TRPV3: variants seen among roughly 807,000 people sequenced by gnomAD.
The protein encoded by TRPV3 is VRL-3.
A neutral mutation model predicts 87.1 loss-of-function variants in TRPV3; 88 were observed. The ratio of observed to expected loss-of-function variants is 1.01; its 90% CI spans 0.85 to 1.21. The LOEUF (loss-of-function observed/expected upper bound fraction) is 1.21. TRPV3 is among the 50% of genes most tolerant of loss of function. The pLI is 0.00. For missense variants in TRPV3, 1,054 were observed against 1,030.1 expected (o/e 1.02, Z -0.32); for synonymous variants, 438 against 423.3 (o/e 1.03, Z -0.43).
Position 3,556,616 on chromosome 17 carries a change from C to T in TRPV3, c.-3+1060G>A, listed in dbSNP as rs981333025. On this transcript the variant is annotated intron_variant, in intron 1 of 17. Coordinates refer to ENST00000576742, the MANE Select transcript of TRPV3 (RefSeq NM_145068.4). This position sits in a 1 kb window ranked among gnomAD's most constrained non-coding sequence, Gnocchi z 4.2. ...AGCTTCCTGGAGGAAGTTTCCGGAG[C>T]CAGGTGTCATCAGGCTGGAGAGAGT... 3.9e-5 allele frequency among the ~76,000 whole-genome samples: 6 copies of T among 152,156 alleles called. No individual in the cohort carries two copies. Among genetic ancestry groups the T allele is most frequent in the Non-Finnish European group, 7.4e-5 (5 of 68,008 alleles).
At chr17:3,521,658 T>C (rs1229480554) in intron 13 of TRPV3, among the ~76,000 whole-genome samples, 1 of 152,220 alleles carries the variant, frequency 6.6e-6, no homozygotes, top group Non-Finnish European at 1.5e-5. Context: ...TTGTACATCT[T>C]AAATTTATAC....
chr17:3,543,495 G>A lies in TRPV3; in HGVS notation c.445C>T (p.Arg149Cys), dbSNP rs1319801144. Residue 149 changes from arginine to cysteine, a missense_variant, in exon 5 of 18, where the codon CGC (arginine) becomes TGC (cysteine). Coordinates refer to ENST00000576742, the MANE Select transcript of TRPV3 (RefSeq NM_145068.4). Reference protein sequence around the residue: ...LVELQELCRRRHDEDVPDFLM... With the variant: ...LVELQELCRRCHDEDVPDFLM... ...TCACCAGGCACATCCTCATCATGGCGCCGCCTGCAAAGCTCCTGCAGCTCC... is the reference window on the plus strand; with the variant it reads ...TCACCAGGCACATCCTCATCATGGCACCGCCTGCAAAGCTCCTGCAGCTCC... 18 of 1,613,262 alleles carry A rather than the reference G, an allele frequency of 1.1e-5. No homozygotes were observed. The highest frequency in any genetic ancestry group is 3.3e-5 in the South Asian group (3 of 91,074).
At position 3,513,996 on chromosome 17, in the gene TRPV3, T is replaced by C. The variant is rs750192271; in HGVS notation, c.2294A>G (p.Gln765Arg). Residue 765 changes from glutamine (Q) to arginine (R), a missense_variant, in exon 18 of 18, where the codon CAA (glutamine) becomes CGA (arginine). Physicochemically the swap from Gln to Arg is conservative, Grantham distance 43. Transcript: ENST00000576742. ...TTTGCTGTTGTTCCTGGAAGAATCT[T>C]GGATTTTGTTGAAATCTGCTTTTTA... The part of the protein sequence containing the change: ...PVRRTDFNKI[Q>R]DSSRNNSKTT... 6.2e-7 allele frequency: 1 copy of C among 1,613,608 alleles called. No homozygotes were observed. The highest frequency in any genetic ancestry group is 1.3e-5 in the African/African-American group (1 of 75,050).
intron 6 of TRPV3, among the ~76,000 whole-genome samples, chr17:3,540,120 TA>T (rs531319449): frequency 6.6e-6 from 1 of 152,100 alleles, no homozygotes; most frequent in East Asian, 1.9e-4. Flanking sequence ...TAAATAAGGT[TA>T]TTTTAGATAC....
At chr17:3,547,129 G>T (rs931711378) in intron 2 of TRPV3, among the ~76,000 whole-genome samples, 3 of 152,178 alleles carry the variant, frequency 2.0e-5, no homozygotes, top group Non-Finnish European at 2.9e-5. Context: ...ATGGTACTGG[G>T]AGCTAGGTTT....
intron 15 of TRPV3, among the ~76,000 whole-genome samples, chr17:3,517,907 C>T (rs976140807): frequency 1.3e-5 from 2 of 151,280 alleles, no homozygotes; most frequent in Non-Finnish European, 2.9e-5. Context: ...CAACCTCCAC[C>T]TCCTGGGTTC....
rs553433086 is a variant in TRPV3 at position 3,516,087 on chromosome 17, G to A, written c.2198+370C>T. 2.0e-5 allele frequency among the ~76,000 whole-genome samples: 3 copies of A among 152,288 alleles called. No individual in the cohort carries two copies. In the East Asian group the frequency reaches 5.8e-4, roughly 29 times the overall value. On this transcript the variant is annotated intron_variant, in intron 16 of 17. Transcript: ENST00000576742. ...TGTAGTCCCAGCTACTCGGGAGGCT[G>A]AGGCAGGAGAATCACTTGAACCCGG...
In TRPV3 at chr17:3,511,279, GA is replaced by G. The variant is rs1166231443; in HGVS notation, c.*2637del. The G allele has an allele frequency of 6.6e-6, 1 of 152,140 alleles. No individual in the cohort carries two copies. The highest frequency in any genetic ancestry group is 2.4e-5 in the African/African-American group (1 of 41,424). 9.4% of individuals were successfully genotyped at this position (152,140 alleles called of 1,614,324 possible). ...GTTGACTGCCAAATGAGACACCTGA[GA>G]AAATAGTCCTGCCCCCCAATATAAG... On this transcript the variant is annotated 3_prime_UTR_variant, in exon 18 of 18. Transcript: ENST00000576742.
chr17:3,526,674 T>C (rs2074302772), intron 12 of TRPV3, among the ~76,000 whole-genome samples, 180 bp downstream of exon 12: 1 of 152,110 alleles, frequency 6.6e-6, no homozygotes, highest in African/African-American at 2.4e-5. Context: ...ACCTTCTCCA[T>C]GGGCATTTAC....
intron 9 of TRPV3, among the ~76,000 whole-genome samples, chr17:3,529,441 G>A (rs1428154032): frequency 6.6e-6 from 1 of 152,098 alleles, no homozygotes; most frequent in African/African-American, 2.4e-5. Context: ...AGGGGACTCT[G>A]GGAAGCATGA....
At chr17:3,536,132 C>A (rs1425869445) in intron 6 of TRPV3, among the ~76,000 whole-genome samples, 1 of 152,148 alleles carries the variant, frequency 6.6e-6, no homozygotes, top group East Asian at 1.9e-4. Context: ...TTTAGCGAGG[C>A]GGTGTGGGGC....
At chr17:3,535,530 C>T in intron 7 of TRPV3, 43 bp downstream of exon 7, 1 of 1,528,880 alleles carries the variant, frequency 6.5e-7, no homozygotes, top group East Asian at 2.5e-5. Context: ...CGTCTCCCTC[C>T]TCCCTCCTCC....
rs1567639326 is a variant in TRPV3, at chr17:3,535,629, G to GCGTTGA, written c.722_727dup (p.Val241_Asn242dup). On this transcript the variant is annotated inframe_insertion, in exon 7 of 18. Coordinates refer to ENST00000576742, the MANE Select transcript of TRPV3 (RefSeq NM_145068.4). ...GTTGAAGAAGGCCCCCTTGGCGTGC[G>GCGTTGA]CGTTGACGTCGGCGCCGGCGGCGAT... is the stretch of plus-strand genomic sequence containing the variant. 10 of 1,609,432 alleles carry GCGTTGA rather than the reference G, an allele frequency of 6.2e-6. 1 individual carries two copies. In the South Asian group the frequency reaches 9.9e-5, roughly 16 times the overall value.
rs1182186259 is a variant in TRPV3, at chr17:3,520,975, A to G, written c.1808T>C (p.Val603Ala). The G allele has an allele frequency of 6.3e-7, 1 of 1,591,174 alleles. No homozygotes were observed. The highest frequency in any genetic ancestry group is 1.3e-5 in the African/African-American group (1 of 74,296). ...VYIVFLLGFG[V>A]ALASLIEKCP... The stretch of plus-strand genomic sequence containing the variant: ...ACTATTATTTATAAATCAATTACCT[A>G]CTCCAAATCCAAGCAAAAACACGAT... The change falls in exon 14 of 18, where the codon GTA becomes GCA. Residue 603 changes from valine (V) to alanine (A), a missense_variant and splice_region_variant. By Grantham distance (64) the Val-to-Ala change is moderately conservative. Transcript: ENST00000576742.
In TRPV3 at chr17:3,518,244, C is replaced by A. The variant is rs896885659; in HGVS notation, c.2085+332G>T. Among the ~76,000 whole-genome samples the A allele has an allele frequency of 4.5e-4, 69 of 152,152 alleles. No individual in the cohort carries two copies. The highest frequency in any genetic ancestry group is 3.5e-3 in the Admixed American group (54 of 15,280). On this transcript the variant is annotated intron_variant, in intron 15 of 17. Transcript: ENST00000576742. The surrounding 1 kb of genome is among the most constrained non-coding windows in gnomAD (Gnocchi z 4.3). ...GTGTTCAGGCCAGGATAGAATAGAG[C>A]AGAACTGTCACCTCCACTGTCCTAG... is the stretch of plus-strand genomic sequence containing the variant.
At position 3,530,825 on chromosome 17, in the gene TRPV3, G is replaced by A. The variant is rs1393848894; in HGVS notation, c.1066-622C>T. Among the ~76,000 whole-genome samples the A allele has an allele frequency of 6.6e-6, 1 of 152,150 alleles. No individual in the cohort carries two copies. The highest frequency in any genetic ancestry group is 2.4e-5 in the African/African-American group (1 of 41,424). ...AATCCCAGCACTTTGGGAGGCCGAG[G>A]CGGGTGGATCATTTGAGGTCAGGAG... On this transcript the variant is annotated intron_variant, in intron 8 of 17. Coordinates refer to ENST00000576742, the MANE Select transcript of TRPV3 (RefSeq NM_145068.4). The surrounding 1 kb of genome is among the most constrained non-coding windows in gnomAD (Gnocchi z 4.0).
At chr17:3,554,579 T>TC in intron 2 of TRPV3, 153 bp downstream of exon 2, 1 of 621,954 alleles carries the variant, frequency 1.6e-6, no homozygotes, top group African/African-American at 1.8e-5. Context: ...CACCGCACCA[T>TC]CCCCTAGTCA....
intron 4 of TRPV3, among the ~76,000 whole-genome samples, chr17:3,543,983 A>G (rs2074494525): frequency 1.3e-5 from 2 of 151,998 alleles, no homozygotes; most frequent in African/African-American, 4.8e-5. Context: ...AACCATGGTA[A>G]CGCGTTGATG....
At chr17:3,547,789 C>T (rs1431763738) in intron 2 of TRPV3, among the ~76,000 whole-genome samples, 1 of 152,194 alleles carries the variant, frequency 6.6e-6, no homozygotes, top group Admixed American at 6.5e-5. Context: ...GACAGAAGCC[C>T]CCGGCCCTGT....
Sources: gnomAD v4.1 joint callset for allele counts (sites outside exome capture counted in the v4.1 genomes callset) on GRCh38, gnomAD v4.1.1 for gene constraint, Gnocchi (gnomAD v3.1) non-coding constraint, MANE v1.5 for transcripts, NCBI Gene and HGNC (gene_info 2026-07-23, HGNC 2026-07-21) for gene names.